Variants in AKAP19 observed in about 807,000 individuals in gnomAD.
The protein encoded by AKAP19 is A-kinase anchoring protein 19, also known as small A-kinase anchoring protein.
At chr2:190,154,084 C>T in the AKAP19 span, among the ~76,000 whole-genome samples, 1 of 152,148 alleles carries the variant, frequency 6.6e-6, no homozygotes, top group Admixed American at 6.5e-5. Flanking sequence ...CACGAAATTT[C>T]AGTATTATCT....
At chr2:190,065,237 C>T in the AKAP19 span, among the ~76,000 whole-genome samples, 1 of 152,194 alleles carries the variant, frequency 6.6e-6, no homozygotes, top group Non-Finnish European at 1.5e-5. Context: ...TCCTATGTTC[C>T]TAATCACAGG....
the AKAP19 span, among the ~76,000 whole-genome samples, chr2:190,050,989 C>G: frequency 6.6e-6 from 1 of 152,164 alleles, no homozygotes; most frequent in African/African-American, 2.4e-5. Flanking sequence ...GATGTTGCAT[C>G]TACAAAGTAG....
At chr2:190,051,588 A>G in the AKAP19 span, among the ~76,000 whole-genome samples, 1 of 152,210 alleles carries the variant, frequency 6.6e-6, no homozygotes, top group East Asian at 1.9e-4. Context: ...AATTTGTTTC[A>G]GTCACAGGTA....
At chr2:189,898,699 C>T in the AKAP19 span, among the ~76,000 whole-genome samples, 1 of 152,114 alleles carries the variant, frequency 6.6e-6, no homozygotes, top group Admixed American at 6.6e-5. Flanking sequence ...GTTTTTGAGT[C>T]TCTTTCCTCT....
chr2:190,201,625 TC>T, the AKAP19 span: 1 of 167,048 alleles, frequency 6.0e-6, no homozygotes, highest in African/African-American at 2.4e-5. Context: ...TAGAGTGAAT[TC>T]TCCAAGTTAC....
At chr2:189,947,344 G>A in the AKAP19 span, among the ~76,000 whole-genome samples, 3 of 151,966 alleles carry the variant, frequency 2.0e-5, no homozygotes, top group Non-Finnish European at 4.4e-5. Context: ...TTTTCACATC[G>A]TTGGCACTGA....
chr2:190,062,325 A>G, the AKAP19 span: 10 of 1,613,264 alleles, frequency 6.2e-6, no homozygotes, highest in Admixed American at 5.0e-5. Flanking sequence ...ATACTGATCA[A>G]TCAGTTCCCG....
chr2:189,987,943 T>C, the AKAP19 span, among the ~76,000 whole-genome samples: 3 of 151,952 alleles, frequency 2.0e-5, no homozygotes, highest in African/African-American at 7.3e-5. Flanking sequence ...TTATTATTAC[T>C]CAATTCAGTC....
the AKAP19 span, among the ~76,000 whole-genome samples, chr2:190,176,123 T>C: frequency 1.3e-5 from 2 of 152,234 alleles, no homozygotes; most frequent in Non-Finnish European, 2.9e-5. This position sits in a 1 kb window ranked among gnomAD's most constrained non-coding sequence, Gnocchi z 4.7. Flanking sequence ...TAGCACAGAA[T>C]GGGCTAGAAC....
the AKAP19 span, among the ~76,000 whole-genome samples, chr2:190,163,239 C>T: frequency 6.6e-6 from 1 of 151,968 alleles, no homozygotes; most frequent in Non-Finnish European, 1.5e-5. Context: ...TCGAGACCAT[C>T]TTGGCTAACA....
chr2:190,061,414 A>G, the AKAP19 span, among the ~76,000 whole-genome samples: 1 of 152,008 alleles, frequency 6.6e-6, no homozygotes, highest in African/African-American at 2.4e-5. Flanking sequence ...AGCAGTGTAG[A>G]TACTACAGGT....
the AKAP19 span, among the ~76,000 whole-genome samples, chr2:189,945,946 A>C: frequency 2.0e-5 from 3 of 152,232 alleles, no homozygotes; most frequent in Non-Finnish European, 2.9e-5. Flanking sequence ...GGGTTTAAAC[A>C]TACTATAGTT....
the AKAP19 span, among the ~76,000 whole-genome samples, chr2:190,047,125 A>G: frequency 2.9e-4 from 44 of 152,260 alleles, no homozygotes; most frequent in African/African-American, 1.0e-3. Flanking sequence ...AGGACATACA[A>G]GCGGTGTCCA....
the AKAP19 span, among the ~76,000 whole-genome samples, chr2:190,101,375 G>C: frequency 6.6e-6 from 1 of 152,190 alleles, no homozygotes; most frequent in African/African-American, 2.4e-5. Context: ...GAACCAGTCT[G>C]TGTGTGCCAT....
At chr2:190,182,074 A>G in the AKAP19 span, among the ~76,000 whole-genome samples, 1 of 152,256 alleles carries the variant, frequency 6.6e-6, no homozygotes, top group African/African-American at 2.4e-5. Context: ...TTAAAATTGT[A>G]GACCAACCTC....
At chr2:190,120,660 T>C in the AKAP19 span, among the ~76,000 whole-genome samples, 1 of 152,218 alleles carries the variant, frequency 6.6e-6, no homozygotes, top group Non-Finnish European at 1.5e-5. Flanking sequence ...AACTTATTTG[T>C]TTTATAAATT....
chr2:190,034,676 C>T, the AKAP19 span, among the ~76,000 whole-genome samples: 1 of 151,302 alleles, frequency 6.6e-6, no homozygotes, highest in African/African-American at 2.4e-5. Context: ...GAAACCCCAT[C>T]TCTACTAAAA....
the AKAP19 span, chr2:190,079,505 T>C: frequency 6.6e-6 from 1 of 152,246 alleles, no homozygotes; most frequent in East Asian, 1.9e-4. Flanking sequence ...CTCTCCCCAT[T>C]TTATATTTGA....
the AKAP19 span, among the ~76,000 whole-genome samples, chr2:190,063,482 T>G: frequency 6.6e-6 from 1 of 152,142 alleles, no homozygotes; most frequent in South Asian, 2.1e-4. Flanking sequence ...AAGAGGGTAA[T>G]GCCAGCTAGT....
Sources: allele counts gnomAD v4.1 joint callset (sites outside exome capture counted in the v4.1 genomes callset), GRCh38; gene constraint gnomAD v4.1.1; non-coding constraint Gnocchi (gnomAD v3.1); transcripts MANE v1.5; gene names NCBI Gene and HGNC (gene_info 2026-07-23, HGNC 2026-07-21).